IDH3A: variants seen among roughly 807,000 people sequenced by gnomAD.
IDH3A encodes isocitrate dehydrogenase (NAD(+)) 3 catalytic subunit alpha.
Under a neutral mutation model 43.3 loss-of-function variants are expected in IDH3A, and 23 were observed. The ratio of observed to expected loss-of-function variants is 0.53; its 90% CI spans 0.38 to 0.75. The LOEUF is 0.75. Among genes scored for constraint, IDH3A ranks in the 30% least tolerant of loss-of-function variants. The probability of loss-of-function intolerance (pLI) is 0.00; values close to 1 mark genes in which losing one functional copy is unlikely to be tolerated. For synonymous variants in IDH3A, 154 were observed against 163.5 expected, an observed-to-expected ratio of 0.94 and a Z score of 0.44; for missense variants, 329 against 474.4, an observed-to-expected ratio of 0.69 and a Z score of 2.85.
chr15:78,163,544 G>C lies in IDH3A; in HGVS notation c.649G>C (p.Glu217Gln), dbSNP rs1486055848. Residue 217 changes from glutamate (E) to glutamine (Q), a missense_variant, in exon 7 of 11, where the codon GAA (glutamate) becomes CAA (glutamine). By Grantham distance (29) the Glu-to-Gln change is conservative. Transcript: ENST00000299518. ...SDGLFLQKCR[E>Q]VAESCKDIKF... is the part of the protein sequence containing the mutation. ...TGGGCTTTTTCTACAAAAATGCAGG[G>C]AAGTTGCAGAAAGCTGTAAAGATAT... 2 of 1,613,052 alleles carry C rather than the reference G, an allele frequency of 1.2e-6. No homozygotes were observed. The highest frequency in any genetic ancestry group is 3.3e-5 in the Admixed American group (2 of 59,948).
intron 1 of IDH3A, among the ~76,000 whole-genome samples, chr15:78,153,133 A>G (rs1279224761): frequency 6.6e-6 from 1 of 151,282 alleles, no homozygotes; most frequent in Non-Finnish European, 1.5e-5. Context: ...TTTTTTGTCC[A>G]TTACCTAGGC....
intron 8 of IDH3A, among the ~76,000 whole-genome samples, chr15:78,164,220 T>C (rs1280155618): frequency 6.6e-6 from 1 of 152,096 alleles, no homozygotes; most frequent in Admixed American, 6.6e-5. Flanking sequence ...CAGCATTTTA[T>C]CACATTTACT....
intron 2 of IDH3A, chr15:78,157,187 G>C: frequency 9.0e-7 from 1 of 1,108,188 alleles, no homozygotes; most frequent in Non-Finnish European, 1.1e-6. Flanking sequence ...TTAATTTTTT[G>C]TTGTTGTTGT....
rs1228280790 is a variant in IDH3A at position 78,169,760 on chromosome 15, T to C, written c.*755T>C. The stretch of plus-strand genomic sequence containing the variant: ...AATGAAGCAGAGAGCTAGTACTTCA[T>C]TTTCACTGGATACATTTTCAGCATC... On this transcript the variant is annotated 3_prime_UTR_variant, in exon 11 of 11. Coordinates refer to ENST00000299518, the MANE Select transcript of IDH3A (RefSeq NM_005530.3). 2.0e-5 allele frequency: 3 copies of C among 152,242 alleles called. No individual in the cohort carries two copies. Among genetic ancestry groups the C allele is most frequent in the African/African-American group, 7.2e-5 (3 of 41,450 alleles). The allele number at this position is 152,242 out of a possible 1,614,324, so 9.4% of individuals were successfully genotyped here.
chr15:78,165,556 C>T (rs2074730500), intron 9 of IDH3A, among the ~76,000 whole-genome samples: 1 of 151,952 alleles, frequency 6.6e-6, no homozygotes, highest in Admixed American at 6.6e-5. Flanking sequence ...CTCTTCATTT[C>T]CCTCCAGGTA....
rs767683321 is a variant in IDH3A at position 78,171,190 on chromosome 15, CT to C, written c.*2186del. 3 of 335,576 alleles carry C rather than the reference CT, an allele frequency of 8.9e-6. No individual in the cohort carries two copies. The highest frequency in any genetic ancestry group is 1.7e-5 in the Non-Finnish European group (3 of 180,052). The allele number at this position is 335,576 out of a possible 1,614,324, so 20.8% of individuals were successfully genotyped here. ...CAGCCCTTTCGTTCTGGAAGGAGAG[CT>C]GATCTCATTTGTCACCTGAACAAAA... On this transcript the variant is annotated 3_prime_UTR_variant, in exon 11 of 11. Transcript: ENST00000299518.
chr15:78,161,885 TG>T lies in IDH3A; in HGVS notation c.477+120del. 1.1e-6 allele frequency: 1 copy of T among 911,070 alleles called. No homozygotes were observed. The highest frequency in any genetic ancestry group is 1.7e-6 in the Non-Finnish European group (1 of 581,084). 56.4% of individuals were successfully genotyped at this position (911,070 alleles called of 1,614,324 possible). On this transcript the variant is annotated intron_variant, in intron 5 of 10. Transcript: ENST00000299518. This position sits in a 1 kb window ranked among gnomAD's most constrained non-coding sequence, Gnocchi z 4.8. ...GAGTTGTGGGTGTTTGTCTTGGTGC[TG>T]GGTGTCTGGCTGACAGTACTCAAAC...
intron 3 of IDH3A, among the ~76,000 whole-genome samples, chr15:78,157,948 C>A (rs1357818289): frequency 1.3e-5 from 2 of 152,000 alleles, no homozygotes; most frequent in East Asian, 3.9e-4. Context: ...TAGGCGTGAG[C>A]CACCGCACCT....
chr15:78,171,271 C>T lies in IDH3A; in HGVS notation c.*2266C>T, dbSNP rs2074817943. 3 of 519,708 alleles carry T rather than the reference C, an allele frequency of 5.8e-6. No individual in the cohort carries two copies. Among genetic ancestry groups the T allele is most frequent in the South Asian group, 2.9e-5 (1 of 34,788 alleles). The allele number at this position is 519,708 out of a possible 1,614,324, so 32.2% of individuals were successfully genotyped here. A position where few individuals can be genotyped will look rare whatever the true frequency, so the allele number is the denominator to read the frequency against. ...CACACGTGAAGCTTCTTGGAATTGT[C>T]AGCTATTGTTGGCGTAAGACCTGGT... is the stretch of plus-strand genomic sequence containing the variant. On this transcript the variant is annotated 3_prime_UTR_variant, in exon 11 of 11. Coordinates refer to ENST00000299518, the MANE Select transcript of IDH3A (RefSeq NM_005530.3).
At chr15:78,151,871 A>C (rs2074578795) in intron 1 of IDH3A, among the ~76,000 whole-genome samples, 1 of 152,010 alleles carries the variant, frequency 6.6e-6, no homozygotes, top group Non-Finnish European at 1.5e-5. Context: ...TGAAGCTGGG[A>C]CTACTGGTGT....
chr15:78,159,842 A>C, intron 3 of IDH3A: 1 of 367,298 alleles, frequency 2.7e-6, no homozygotes, highest in Middle Eastern at 8.2e-4. Flanking sequence ...AAAATACAAA[A>C]AAATTAGCTG....
intron 9 of IDH3A, among the ~76,000 whole-genome samples, chr15:78,165,516 T>G (rs2074729848): frequency 6.6e-6 from 1 of 152,044 alleles, no homozygotes; most frequent in South Asian, 2.1e-4. Flanking sequence ...TATACACCCA[T>G]ATATAAACAT....
chr15:78,161,529 C>G lies in IDH3A; in HGVS notation c.290-52C>G. On this transcript the variant is annotated intron_variant, in intron 4 of 10. Transcript: ENST00000299518. This position sits in a 1 kb window ranked among gnomAD's most constrained non-coding sequence, Gnocchi z 4.8. ...AGCCGAGGTGGGTTAGTAGGTCACA[C>G]GTGAGACCAGAATTCCTTCTAGTGT... 6.7e-7 allele frequency: 1 copy of G among 1,500,654 alleles called. No individual in the cohort carries two copies. The highest frequency in any genetic ancestry group is 1.7e-5 in the Admixed American group (1 of 58,652). 93.0% of individuals were successfully genotyped at this position (1,500,654 alleles called of 1,614,324 possible). A position where few individuals can be genotyped will look rare whatever the true frequency, so the allele number is the denominator to read the frequency against.
intron 1 of IDH3A, among the ~76,000 whole-genome samples, chr15:78,154,188 GAAA>G (rs35197181): frequency 1.5e-5 from 2 of 131,996 alleles, no homozygotes; most frequent in Non-Finnish European, 3.2e-5. Flanking sequence ...ATTGGAGAGA[GAAA>G]AAAAAAAAAA....
Position 78,160,671 on chromosome 15 carries a change from T to G in IDH3A, c.289+465T>G, listed in dbSNP as rs553500599. Among the ~76,000 whole-genome samples the G allele has an allele frequency of 2.4e-4, 36 of 152,204 alleles. No individual in the cohort carries two copies. The South Asian group carries it at 7.3e-3, about 31-fold the overall frequency. ...TGCCCAACTAATTTTTTAAAAAGTT[T>G]TTTGTAGAGATGGGGTCTCACTATG... On this transcript the variant is annotated intron_variant, in intron 4 of 10. Transcript: ENST00000299518.
At position 78,165,076 on chromosome 15, in the gene IDH3A, G is replaced by A. The variant is rs575301725; in HGVS notation, c.864G>A (p.Ser288=). 3.1e-6 allele frequency: 5 copies of A among 1,605,896 alleles called. No homozygotes were observed. The highest frequency in any genetic ancestry group is 1.3e-5 in the African/African-American group (1 of 74,684). ...IGANGVAIFE[S]VHGTAPDIAG... ...CCAATGGGGTTGCAATTTTTGAGTC[G>A]GTAAGGACCCTGACACCTGAAACAG... Residue 288 remains serine (S), a splice_region_variant and synonymous_variant, in exon 9 of 11, where the codon TCG becomes TCA. Coordinates refer to ENST00000299518, the MANE Select transcript of IDH3A (RefSeq NM_005530.3).
At chr15:78,157,157 A>T (rs1196823350) in intron 2 of IDH3A, 5 of 1,110,082 alleles carry the variant, frequency 4.5e-6, no homozygotes, top group Non-Finnish European at 5.5e-6. Flanking sequence ...AACCGTCTAA[A>T]TTTTAGTGAG....
chr15:78,164,022 C>T (rs1276384923), intron 8 of IDH3A, among the ~76,000 whole-genome samples: 2 of 152,056 alleles, frequency 1.3e-5, no homozygotes, highest in African/African-American at 4.8e-5. Context: ...GGTCACTCTT[C>T]CCAGTTTTTA....
chr15:78,155,185 T>G, intron 1 of IDH3A, 28 bp from the exon 2 acceptor site: 3 of 1,548,118 alleles, frequency 1.9e-6, no homozygotes, highest in South Asian at 1.1e-5. Flanking sequence ...ATTCTGTGTG[T>G]GATATTTCTC....
Sources: allele counts gnomAD v4.1 joint callset (sites outside exome capture counted in the v4.1 genomes callset), GRCh38; gene constraint gnomAD v4.1.1; non-coding constraint Gnocchi (gnomAD v3.1); transcripts MANE v1.5; gene names NCBI Gene and HGNC (gene_info 2026-07-23, HGNC 2026-07-21).